Variants in JAZF1 observed in about 807,000 individuals in gnomAD.
The protein encoded by JAZF1 is juxtaposed with another zinc finger protein 1.
JAZF1 carries 8 observed loss-of-function variants against 26.4 expected under a neutral mutation model. The observed-to-expected ratio is 0.30, with a 90% CI of 0.18 to 0.55. The LOEUF (loss-of-function observed/expected upper bound fraction) is 0.55. Ranked by LOEUF, JAZF1 falls within the 20% of genes least tolerant of loss-of-function variation. JAZF1 has a pLI of 0.94. For synonymous variants in JAZF1, 126 were observed against 122.3 expected (o/e 1.03, Z -0.20); for missense variants, 199 against 322.0 (o/e 0.62, Z 2.92).
At chr7:27,954,754 C>G (rs1434562509) in intron 2 of JAZF1, among the ~76,000 whole-genome samples, 4 of 135,644 alleles carry the variant, frequency 2.9e-5, no homozygotes, top group African/African-American at 1.0e-4. Context: ...AGACTGCGAA[C>G]AGGACTTATT....
chr7:27,986,853 C>T (rs570770509), intron 2 of JAZF1, among the ~76,000 whole-genome samples: 4 of 152,266 alleles, frequency 2.6e-5, no homozygotes, highest in Non-Finnish European at 5.9e-5. Context: ...GACGGGGTTT[C>T]GCCGTGTTGG....
intron 1 of JAZF1, among the ~76,000 whole-genome samples, chr7:28,133,785 T>C (rs531025834): frequency 6.6e-6 from 1 of 152,344 alleles, no homozygotes; most frequent in East Asian, 1.9e-4. Flanking sequence ...CTTAGGCCTT[T>C]GCTGCTTCCT....
At chr7:28,039,496 T>C (rs929914885) in intron 1 of JAZF1, among the ~76,000 whole-genome samples, 2 of 152,146 alleles carry the variant, frequency 1.3e-5, no homozygotes, top group African/African-American at 4.8e-5. Flanking sequence ...CCCTGCCCCA[T>C]GCAAATACCA....
At chr7:28,020,084 T>C (rs1044927200) in intron 1 of JAZF1, among the ~76,000 whole-genome samples, 5 of 152,178 alleles carry the variant, frequency 3.3e-5, no homozygotes, top group Admixed American at 6.5e-5. Context: ...TGCTCAGCTA[T>C]TTTCCCTATA....
intron 1 of JAZF1, among the ~76,000 whole-genome samples, chr7:28,032,779 C>A (rs564695565): frequency 3.9e-5 from 6 of 152,228 alleles, no homozygotes; most frequent in Non-Finnish European, 8.8e-5. Context: ...CAGGAAGAGA[C>A]CCCAGGACCA....
At chr7:27,934,269 A>T (rs1485364350) in intron 2 of JAZF1, among the ~76,000 whole-genome samples, 1 of 152,214 alleles carries the variant, frequency 6.6e-6, no homozygotes, top group Non-Finnish European at 1.5e-5. Flanking sequence ...CAGTTATTTT[A>T]GTTTTCTACT....
At chr7:27,869,765 C>A (rs1783547808) in intron 3 of JAZF1, among the ~76,000 whole-genome samples, 1 of 152,198 alleles carries the variant, frequency 6.6e-6, no homozygotes, top group Non-Finnish European at 1.5e-5. Flanking sequence ...TGTCCTTCTG[C>A]CATTTCTTCC....
At chr7:27,975,106 C>T (rs532896415) in intron 2 of JAZF1, among the ~76,000 whole-genome samples, 14 of 152,064 alleles carry the variant, frequency 9.2e-5, no homozygotes, top group Middle Eastern at 3.4e-3. Context: ...AGGATGGTTT[C>T]GATCTTCTAA....
Position 28,081,608 on chromosome 7 carries a change from G to T in JAZF1, c.116-89627C>A, listed in dbSNP as rs919285950. ...CTGGTGAGCCTGGGGCATTGTAGCG[G>T]CCTCTGCTCCACCCTTTCCCCTTGT... On this transcript the variant is annotated intron_variant, in intron 1 of 4. Transcript: ENST00000283928. Among the ~76,000 whole-genome samples, 35 of 152,144 alleles carry T rather than the reference G, an allele frequency of 2.3e-4. 1 individual carries two copies. Among genetic ancestry groups the T allele is most frequent in the Admixed American group, 2.3e-3 (35 of 15,276 alleles).
At chr7:27,914,691 A>G (rs752316229) in intron 2 of JAZF1, 11 of 470,706 alleles carry the variant, frequency 2.3e-5, no homozygotes, top group Non-Finnish European at 3.5e-5. Flanking sequence ...TCTCCCATAT[A>G]GATATAGCAC....
chr7:27,935,920 T>C (rs1200501540), intron 2 of JAZF1, among the ~76,000 whole-genome samples: 3 of 152,262 alleles, frequency 2.0e-5, no homozygotes, highest in East Asian at 3.9e-4. Context: ...CAAAGTTCCA[T>C]GCAGGGCCAG....
chr7:27,888,407 C>G (rs1391889896), intron 3 of JAZF1, among the ~76,000 whole-genome samples: 4 of 151,858 alleles, frequency 2.6e-5, no homozygotes, highest in Non-Finnish European at 5.9e-5. Context: ...TATCTTTTTT[C>G]TGTCTGGGAT....
Position 27,830,904 on chromosome 7 carries a change from C to CT in JAZF1, c.*1895dup, listed in dbSNP as rs775537665. 3.7e-5 allele frequency: 8 copies of CT among 215,672 alleles called. No individual in the cohort carries two copies. Among genetic ancestry groups the CT allele is most frequent in the Admixed American group, 2.3e-4 (4 of 17,216 alleles). The allele number at this position is 215,672 out of a possible 1,614,324, so 13.4% of individuals were successfully genotyped here. ...GAAAGAAATTTAACATGCACAATGA[C>CT]TATTTTATGACTGTTTAGCTGTTGA... On this transcript the variant is annotated 3_prime_UTR_variant, in exon 5 of 5. Coordinates refer to ENST00000283928, the MANE Select transcript of JAZF1 (RefSeq NM_175061.4).
In JAZF1 at chr7:28,166,850, A is replaced by G. The variant is rs1003198047; in HGVS notation, c.115+13613T>C. Among the ~76,000 whole-genome samples the G allele has an allele frequency of 1.3e-5, 2 of 152,112 alleles. 1 individual carries two copies. Among genetic ancestry groups the G allele is most frequent in the East Asian group, 3.9e-4 (2 of 5,186 alleles). ...ATGACTTACACAAACACAAACCAAA[A>G]CTCTACCAGGGAAATCAAATTTCAC... On this transcript the variant is annotated intron_variant, in intron 1 of 4. Coordinates refer to ENST00000283928, the MANE Select transcript of JAZF1 (RefSeq NM_175061.4).
chr7:27,972,821 A>G (rs942803938), intron 2 of JAZF1, among the ~76,000 whole-genome samples: 3 of 152,060 alleles, frequency 2.0e-5, no homozygotes, highest in Non-Finnish European at 2.9e-5. Context: ...AAAACAAAAG[A>G]TAAGTGTGTG....
intron 1 of JAZF1, among the ~76,000 whole-genome samples, chr7:28,162,840 G>C (rs948534279): frequency 6.6e-5 from 10 of 152,174 alleles, no homozygotes; most frequent in African/African-American, 2.4e-4. Flanking sequence ...AAATATGCAA[G>C]TGAAAAAAGG....
chr7:27,959,330 T>C (rs1785151466), intron 2 of JAZF1, among the ~76,000 whole-genome samples: 1 of 152,240 alleles, frequency 6.6e-6, no homozygotes, highest in African/African-American at 2.4e-5. Flanking sequence ...AACTCCTCTT[T>C]ATACTGCAAA....
chr7:28,135,921 T>C (rs1181605166), intron 1 of JAZF1, among the ~76,000 whole-genome samples: 1 of 152,216 alleles, frequency 6.6e-6, no homozygotes, highest in Non-Finnish European at 1.5e-5. Flanking sequence ...TCTTGTACTA[T>C]TGTACTGGCT....
intron 1 of JAZF1, among the ~76,000 whole-genome samples, chr7:28,083,548 A>G (rs1263121182): frequency 6.6e-6 from 1 of 152,092 alleles, no homozygotes; most frequent in East Asian, 1.9e-4. Flanking sequence ...AGCACGACCA[A>G]CCACTTACTT....
Sources: gnomAD v4.1 joint callset for allele counts (sites outside exome capture counted in the v4.1 genomes callset) on GRCh38, gnomAD v4.1.1 for gene constraint, MANE v1.5 for transcripts, NCBI Gene and HGNC (gene_info 2026-07-23, HGNC 2026-07-21) for gene names.